The following FBN2 variants were observed in gnomAD, a reference collection of about 807,000 sequenced individuals.
The protein encoded by FBN2 is fibrillin-2.
A neutral mutation model predicts 355.6 loss-of-function variants in FBN2; 105 were observed. The ratio of observed to expected loss-of-function variants is 0.30; its 90% CI spans 0.25 to 0.35. The LOEUF is 0.35. Among genes scored for constraint, FBN2 ranks in the 10% least tolerant of loss-of-function variants. FBN2 has a pLI of 1.00. For missense variants in FBN2, 3,280 were observed against 3,758.7 expected (o/e 0.87, Z 3.33); for synonymous variants, 1,350 against 1,301.2 (o/e 1.04, Z -0.81).
Position 128,273,970 on chromosome 5 carries a change from TG to T in FBN2, c.7712-3del. 1 of 1,613,936 alleles carries T rather than the reference TG, an allele frequency of 6.2e-7. No homozygotes were observed. On this transcript the variant is annotated splice_region_variant and splice_polypyrimidine_tract_variant and intron_variant, in intron 60 of 64. Coordinates refer to ENST00000262464, the MANE Select transcript of FBN2 (RefSeq NM_001999.4). ...GTTGAGACCCACATTCGTTGTTGTC[TG>T]GCAAAGCATCAAGAAGCAGAGCGTC...
chr5:128,345,921 A>C (rs915899671), intron 23 of FBN2, among the ~76,000 whole-genome samples: 1 of 152,224 alleles, frequency 6.6e-6, no homozygotes, highest in African/African-American at 2.4e-5. Flanking sequence ...TGTTCAGAGA[A>C]TTGCTTCAAG....
chr5:128,309,839 A>T, intron 40 of FBN2, 144 bp downstream of exon 40: 1 of 939,536 alleles, frequency 1.1e-6, no homozygotes, highest in Non-Finnish European at 1.7e-6. Flanking sequence ...ACTTGATACT[A>T]AGCCAGCAGC....
intron 48 of FBN2, 142 bp from the exon 49 acceptor site, chr5:128,291,796 A>G: frequency 1.1e-6 from 1 of 897,120 alleles, no homozygotes; most frequent in Admixed American, 1.9e-5. Flanking sequence ...AAAATAAACT[A>G]TTATTGCTTC....
In FBN2 at chr5:128,280,239, T is replaced by A; in HGVS notation, c.7091A>T (p.Glu2364Val). 6.2e-7 allele frequency: 1 copy of A among 1,611,862 alleles called. No individual in the cohort carries two copies. The highest frequency in any genetic ancestry group is 1.1e-5 in the South Asian group (1 of 91,032). ...ACTTGACTGGAATCCTTCATTACAC[T>A]CACATCTATAGCTTCCAATAATGTT... is the stretch of plus-strand genomic sequence containing the variant. ...CVNIIGSYRC[E>V]CNEGFQSSSS... Residue 2364 changes from glutamate (E) to valine (V), a missense_variant, in exon 56 of 65, where the codon GAG becomes GTG. Physicochemically the swap from Glu to Val is moderately radical, Grantham distance 121 (BLOSUM62 -2). Transcript: ENST00000262464.
chr5:128,395,338 T>C (rs1752620270), intron 8 of FBN2, 64 bp from the exon 9 acceptor site: 2 of 1,561,406 alleles, frequency 1.3e-6, no homozygotes, highest in African/African-American at 1.3e-5. Flanking sequence ...CAACAATCAC[T>C]GTACATGAGA....
chr5:128,287,451 G>T, intron 53 of FBN2, 21 bp from the exon 54 acceptor site: 1 of 1,613,214 alleles, frequency 6.2e-7, no homozygotes. Context: ...GAATGGACAG[G>T]AATGTGCTCA....
In FBN2 at chr5:128,520,630, GCA is replaced by G. The variant is rs372105577; in HGVS notation, c.533-1264_533-1263del. 1.8e-3 allele frequency among the ~76,000 whole-genome samples: 272 copies of G among 152,242 alleles called. 3 individuals carry two copies. The highest frequency in any genetic ancestry group is 6.1e-3 in the African/African-American group (253 of 41,568). ...ATAGATTGCCTATCATCTCCAGAAT[GCA>G]CAGAGTGATTTCTGTTCTGCTGATG... On this transcript the variant is annotated intron_variant, in intron 4 of 64. Transcript: ENST00000262464.
chr5:128,273,351 A>C (rs1332518594), intron 61 of FBN2, among the ~76,000 whole-genome samples: 7 of 152,230 alleles, frequency 4.6e-5, no homozygotes, highest in Admixed American at 4.6e-4. Context: ...CCACTGTAAG[A>C]AAGTGAAGGA....
At position 128,344,279 on chromosome 5, in the gene FBN2, T is replaced by G. The variant is rs1161895961; in HGVS notation, c.3343+106A>C. On this transcript the variant is annotated intron_variant, in intron 25 of 64. Coordinates refer to ENST00000262464, the MANE Select transcript of FBN2 (RefSeq NM_001999.4). Reference sequence around the variant, plus strand: ...AAAGAAATTAATAAATAAATAAAAATTTTCATGTTCTCAATGAGAGGATTA... The same window carrying G: ...AAAGAAATTAATAAATAAATAAAAAGTTTCATGTTCTCAATGAGAGGATTA... 4 of 1,181,664 alleles carry G rather than the reference T, an allele frequency of 3.4e-6. No individual in the cohort carries two copies. The East Asian group carries it at 9.5e-5, about 28-fold the overall frequency. The allele number at this position is 1,181,664 out of a possible 1,614,324, so 73.2% of individuals were successfully genotyped here.
In FBN2 at chr5:128,395,205, A is replaced by G. The variant is rs780534301; in HGVS notation, c.1148T>C (p.Met383Thr). 6.2e-7 allele frequency: 1 copy of G among 1,614,070 alleles called. No homozygotes were observed. The highest frequency in any genetic ancestry group is 8.5e-7 in the Non-Finnish European group (1 of 1,180,002). ...GRCAQELPGRMTKMQCCCEPG... is the reference protein window; with the variant it reads ...GRCAQELPGRTTKMQCCCEPG... ...CTCACAGCAGCACTGCATTTTCGTC[A>G]TTCTCCCCGGGAGCTCTTGTGCACA... Residue 383 changes from methionine to threonine, a missense_variant, in exon 9 of 65, where the codon ATG becomes ACG. Transcript: ENST00000262464.
At chr5:128,484,736 G>A (rs1755289554) in intron 5 of FBN2, among the ~76,000 whole-genome samples, 1 of 152,176 alleles carries the variant, frequency 6.6e-6, no homozygotes, top group Admixed American at 6.5e-5. Flanking sequence ...TCACAGTGGA[G>A]GAAAGTGAGA....
intron 45 of FBN2, 107 bp from the exon 46 acceptor site, chr5:128,303,196 C>T: frequency 4.1e-6 from 3 of 739,598 alleles, no homozygotes; most frequent in Non-Finnish European, 7.3e-6. Context: ...TTTCCTCATT[C>T]AGTACTAGAA....
At chr5:128,297,156 G>C (rs1286002199) in intron 48 of FBN2, among the ~76,000 whole-genome samples, 2 of 152,108 alleles carry the variant, frequency 1.3e-5, no homozygotes, top group Non-Finnish European at 2.9e-5. Context: ...TTTTGAGTGA[G>C]ATTCTTAATC....
intron 49 of FBN2, among the ~76,000 whole-genome samples, chr5:128,291,216 A>C (rs1314769120): frequency 3.3e-5 from 5 of 152,322 alleles, no homozygotes; most frequent in African/African-American, 9.6e-5. Context: ...GTTACATCAC[A>C]TCAAAAGCAT....
chr5:128,357,497 T>C, intron 19 of FBN2, 102 bp from the exon 20 acceptor site: 1 of 1,428,204 alleles, frequency 7.0e-7, no homozygotes, highest in Admixed American at 1.7e-5. Flanking sequence ...TAAACTTGGC[T>C]CTGGTAATTT....
chr5:128,393,564 C>T (rs901798895), intron 9 of FBN2, among the ~76,000 whole-genome samples, 196 bp from the exon 10 acceptor site: 7 of 152,180 alleles, frequency 4.6e-5, no homozygotes, highest in Admixed American at 4.6e-4. Flanking sequence ...AAATTTAAAA[C>T]CTATATTGTC....
chr5:128,344,056 CCCCAT>C (rs1414748028), intron 25 of FBN2, among the ~76,000 whole-genome samples: 1 of 152,018 alleles, frequency 6.6e-6, no homozygotes, highest in African/African-American at 2.4e-5. Context: ...CAAAGTGAGA[CCCCAT>C]CTCTTAAAAT....
intron 6 of FBN2, among the ~76,000 whole-genome samples, chr5:128,463,044 A>G (rs1754600233): frequency 1.3e-5 from 2 of 152,112 alleles, no homozygotes; most frequent in African/African-American, 4.8e-5. Context: ...AGAAGGTAAT[A>G]AAGGGTACCG....
chr5:128,304,778 G>C (rs117310703), intron 45 of FBN2, among the ~76,000 whole-genome samples, 179 bp downstream of exon 45: 1 of 151,846 alleles, frequency 6.6e-6, no homozygotes, highest in Non-Finnish European at 1.5e-5. Context: ...ATATATTGCA[G>C]TATGTCCCTG....
Sources: allele counts gnomAD v4.1 joint callset (sites outside exome capture counted in the v4.1 genomes callset), GRCh38; gene constraint gnomAD v4.1.1; transcripts MANE v1.5; gene names NCBI Gene and HGNC (gene_info 2026-07-23, HGNC 2026-07-21).